Variants in DLG2 observed in about 807,000 individuals in gnomAD.
DLG2 encodes the protein discs large MAGUK scaffold protein 2.
In DLG2, 45 loss-of-function variants were observed where a neutral mutation model predicts 132.5. The observed-to-expected ratio is 0.34, with a 90% CI of 0.27 to 0.44. The LOEUF is 0.44. Ranked by LOEUF, DLG2 falls within the 20% of genes least tolerant of loss-of-function variation. The pLI, the probability that DLG2 is intolerant of heterozygous loss-of-function variation, is 1.00. For synonymous variants in DLG2, 424 were observed against 419.6 expected, an observed-to-expected ratio of 1.01 and a Z score of -0.13; for missense variants, 1,045 against 1,196.9, an observed-to-expected ratio of 0.87 and a Z score of 1.87.
chr11:84,696,618 C>G (rs188404849), intron 6 of DLG2, among the ~76,000 whole-genome samples: 1 of 151,430 alleles, frequency 6.6e-6, no homozygotes, highest in African/African-American at 2.4e-5. Flanking sequence ...AACACAAAGT[C>G]AAGGAAGCAA....
At chr11:84,895,505 C>G (rs751343622) in intron 6 of DLG2, among the ~76,000 whole-genome samples, 15 of 152,154 alleles carry the variant, frequency 9.9e-5, no homozygotes, top group Non-Finnish European at 1.9e-4. Flanking sequence ...CTACTGTAGA[C>G]AGAGCAATGA....
At chr11:84,835,113 A>T (rs1275069149) in intron 6 of DLG2, among the ~76,000 whole-genome samples, 1 of 151,634 alleles carries the variant, frequency 6.6e-6, no homozygotes, top group African/African-American at 2.4e-5. Flanking sequence ...AACACTGAAG[A>T]TACCCTTGGT....
intron 3 of DLG2, among the ~76,000 whole-genome samples, chr11:85,567,375 C>T (rs1308538393): frequency 5.3e-5 from 8 of 152,026 alleles, no homozygotes; most frequent in African/African-American, 1.7e-4. Context: ...CTTTCACTTC[C>T]CTGTTTAAAT....
At position 84,755,061 on chromosome 11, in the gene DLG2, A is replaced by G. The variant is rs569862617; in HGVS notation, c.358-220330T>C. Among the ~76,000 whole-genome samples the G allele has an allele frequency of 9.8e-5, 15 of 152,322 alleles. 1 individual carries two copies. In the South Asian group the frequency reaches 2.7e-3, roughly 27 times the overall value. On this transcript the variant is annotated intron_variant, in intron 6 of 27. Coordinates refer to ENST00000376104, the MANE Select transcript of DLG2 (RefSeq NM_001142699.3). ...ATCCCAAATTTTTGCAGCTTCTCCAACATATCTTTTACTATCATATTCAAC... is the reference window on the plus strand; with the variant it reads ...ATCCCAAATTTTTGCAGCTTCTCCAGCATATCTTTTACTATCATATTCAAC...
At chr11:85,026,988 CA>C (rs59571552) in intron 6 of DLG2, among the ~76,000 whole-genome samples, 22,000 of 151,794 alleles carry the variant, frequency 0.14, 1,713 homozygotes, top group South Asian at 0.27. Flanking sequence ...TTTCTAATAA[CA>C]AAGGATTATA....
chr11:83,584,963 T>A (rs979612886), intron 19 of DLG2, among the ~76,000 whole-genome samples: 4 of 152,240 alleles, frequency 2.6e-5, no homozygotes, highest in African/African-American at 9.6e-5. Context: ...AAATTACTCC[T>A]CTACTTTTTA....
chr11:84,972,880 C>A (rs2054296961), intron 6 of DLG2, among the ~76,000 whole-genome samples: 1 of 151,864 alleles, frequency 6.6e-6, no homozygotes, highest in South Asian at 2.1e-4. Flanking sequence ...TGCCTGGGTT[C>A]AATTTTTAGT....
chr11:83,913,301 T>G (rs2076377974), intron 15 of DLG2, among the ~76,000 whole-genome samples: 1 of 152,086 alleles, frequency 6.6e-6, no homozygotes, highest in Non-Finnish European at 1.5e-5. Flanking sequence ...CACAGAGCAT[T>G]TCACAGGATC....
At chr11:84,184,463 G>T (rs1244941974) in intron 8 of DLG2, among the ~76,000 whole-genome samples, 3 of 151,930 alleles carry the variant, frequency 2.0e-5, no homozygotes, top group African/African-American at 4.8e-5. Context: ...GTAGATTCTG[G>T]ATATTAGCCC....
At chr11:84,120,775 C>T (rs2093873065) in intron 9 of DLG2, among the ~76,000 whole-genome samples, 1 of 152,192 alleles carries the variant, frequency 6.6e-6, no homozygotes, top group African/African-American at 2.4e-5. Context: ...AAGAAAGAGG[C>T]TAACATAGTC....
intron 3 of DLG2, among the ~76,000 whole-genome samples, chr11:85,361,310 A>G (rs1389869172): frequency 6.7e-6 from 1 of 149,024 alleles, no homozygotes; most frequent in African/African-American, 2.5e-5. Flanking sequence ...AGACTTTTCT[A>G]TTTTTTTTTT....
At chr11:84,135,359 T>C (rs944293248) in intron 9 of DLG2, among the ~76,000 whole-genome samples, 5 of 152,204 alleles carry the variant, frequency 3.3e-5, no homozygotes, top group African/African-American at 1.2e-4. Flanking sequence ...TAATCAAATA[T>C]ACGTTTTTTA....
At chr11:85,304,343 C>T (rs1024856886) in intron 3 of DLG2, among the ~76,000 whole-genome samples, 2 of 152,070 alleles carry the variant, frequency 1.3e-5, no homozygotes, top group Non-Finnish European at 2.9e-5. Context: ...TGGGTAGAAA[C>T]TTCAGAATTA....
At chr11:83,990,937 C>A (rs534942014) in intron 11 of DLG2, among the ~76,000 whole-genome samples, 1 of 152,208 alleles carries the variant, frequency 6.6e-6, no homozygotes, top group Non-Finnish European at 1.5e-5. Flanking sequence ...AAAACACCCA[C>A]CCTCACAGGC....
At chr11:85,388,899 G>T (rs774567029) in intron 3 of DLG2, among the ~76,000 whole-genome samples, 2 of 152,060 alleles carry the variant, frequency 1.3e-5, no homozygotes, top group Non-Finnish European at 2.9e-5. Flanking sequence ...CTCATAAGAA[G>T]AAACCACAAA....
intron 15 of DLG2, among the ~76,000 whole-genome samples, chr11:83,888,469 G>A (rs1266587170): frequency 4.6e-5 from 7 of 152,130 alleles, no homozygotes; most frequent in South Asian, 2.1e-4. Flanking sequence ...ACAAATGGAA[G>A]AACATTCCAT....
chr11:83,693,763 T>A (rs1160564630), intron 18 of DLG2: 1 of 152,106 alleles, frequency 6.6e-6, no homozygotes, highest in African/African-American at 2.4e-5. Context: ...AAGCTCTGAG[T>A]CATTCTTTAG....
intron 11 of DLG2, among the ~76,000 whole-genome samples, chr11:83,993,799 A>C (rs1214746443): frequency 2.0e-5 from 3 of 152,134 alleles, no homozygotes; most frequent in Non-Finnish European, 4.4e-5. Context: ...TGACCTCTGA[A>C]TACTGTCTAC....
chr11:85,213,035 T>A (rs992164002), intron 4 of DLG2, among the ~76,000 whole-genome samples: 3 of 152,084 alleles, frequency 2.0e-5, no homozygotes, highest in Non-Finnish European at 4.4e-5. Flanking sequence ...GTCTGGATAT[T>A]TGGTAATATT....
Sources: allele counts gnomAD v4.1 joint callset (sites outside exome capture counted in the v4.1 genomes callset), GRCh38; gene constraint gnomAD v4.1.1; transcripts MANE v1.5; gene names NCBI Gene and HGNC (gene_info 2026-07-23, HGNC 2026-07-21).